Variants in AUTS2 observed in about 807,000 individuals in gnomAD.
AUTS2 encodes autism susceptibility gene 2 protein.
In AUTS2, 17 loss-of-function variants were observed where a neutral mutation model predicts 112.4. The ratio of observed to expected loss-of-function variants is 0.15; its 90% CI spans 0.10 to 0.23. AUTS2 has a LOEUF of 0.23. AUTS2 is among the 10% of genes least tolerant of loss of function. The pLI, the probability that AUTS2 is intolerant of heterozygous loss-of-function variation, is 1.00. For synonymous variants in AUTS2, 751 were observed against 702.7 expected (o/e 1.07, Z -1.09); for missense variants, 1,510 against 1,701.6 (o/e 0.89, Z 1.98).
chr7:69,965,307 T>C (rs1233103915), intron 2 of AUTS2, among the ~76,000 whole-genome samples: 2 of 152,126 alleles, frequency 1.3e-5, no homozygotes, highest in Admixed American at 6.6e-5. Flanking sequence ...TGCTAAAGGA[T>C]CTAACTTTTC....
At chr7:70,030,818 C>G (rs1248009458) in intron 2 of AUTS2, among the ~76,000 whole-genome samples, 2 of 152,124 alleles carry the variant, frequency 1.3e-5, no homozygotes, top group African/African-American at 4.8e-5. Context: ...CACAGAAAGA[C>G]CTAGTCCCTC....
intron 2 of AUTS2, among the ~76,000 whole-genome samples, chr7:70,080,111 G>A (rs1803231123): frequency 6.6e-6 from 1 of 152,072 alleles, no homozygotes; most frequent in Admixed American, 6.6e-5. Flanking sequence ...TCAAACCATA[G>A]CACTGTACAA....
At chr7:69,632,714 G>A (rs1794318381) in intron 1 of AUTS2, among the ~76,000 whole-genome samples, 1 of 151,620 alleles carries the variant, frequency 6.6e-6, no homozygotes. Flanking sequence ...ACGTTTGCTA[G>A]TTCTTTAAAA....
At chr7:70,260,649 G>A (rs1202349122) in intron 4 of AUTS2, among the ~76,000 whole-genome samples, 3 of 151,962 alleles carry the variant, frequency 2.0e-5, no homozygotes, top group Non-Finnish European at 4.4e-5. Context: ...TTTGGAGGGG[G>A]CATTTAAACG....
At chr7:69,625,915 C>T (rs1271756956) in intron 1 of AUTS2, among the ~76,000 whole-genome samples, 1 of 151,886 alleles carries the variant, frequency 6.6e-6, no homozygotes, top group Non-Finnish European at 1.5e-5. Context: ...GAAAGAATGA[C>T]AATGGAACAT....
At chr7:70,591,634 A>G (rs1051438128) in intron 5 of AUTS2, among the ~76,000 whole-genome samples, 152 of 152,204 alleles carry the variant, frequency 1.0e-3, no homozygotes, top group African/African-American at 3.4e-3. Flanking sequence ...CCTGACCTCA[A>G]GTGATTCTCC....
At chr7:69,814,884 G>A (rs6958450) in intron 1 of AUTS2, among the ~76,000 whole-genome samples, 15,571 of 152,238 alleles carry the variant, frequency 0.1, 1,308 homozygotes, top group African/African-American at 0.23. Flanking sequence ...AAAAGCATTC[G>A]TGGCATCTTA....
chr7:69,742,650 A>G (rs2109798), intron 1 of AUTS2, among the ~76,000 whole-genome samples: 22 of 152,334 alleles, frequency 1.4e-4, no homozygotes, highest in Admixed American at 2.0e-4. Context: ...TGTGAGTTCT[A>G]TCACTCGCTA....
At chr7:70,561,425 G>C (rs1463422228) in intron 5 of AUTS2, among the ~76,000 whole-genome samples, 1 of 152,186 alleles carries the variant, frequency 6.6e-6, no homozygotes, top group African/African-American at 2.4e-5. Context: ...AAGAGCTTGA[G>C]GCCAGTCTGG....
intron 6 of AUTS2, among the ~76,000 whole-genome samples, chr7:70,754,607 A>C (rs1256467669): frequency 6.6e-6 from 1 of 152,250 alleles, no homozygotes; most frequent in Non-Finnish European, 1.5e-5. Flanking sequence ...TCAGTCCCTT[A>C]TTAATGTTCG....
chr7:70,389,601 A>G (rs545010824), intron 4 of AUTS2, among the ~76,000 whole-genome samples: 1 of 152,276 alleles, frequency 6.6e-6, no homozygotes, highest in Non-Finnish European at 1.5e-5. Context: ...ATGATATTTC[A>G]CTGAACTCAG....
chr7:69,952,203 T>C (rs1797054175), intron 2 of AUTS2, among the ~76,000 whole-genome samples: 1 of 152,220 alleles, frequency 6.6e-6, no homozygotes, highest in African/African-American at 2.4e-5. Flanking sequence ...TTGTGGTGTT[T>C]ACTTTGTCCT....
chr7:70,127,526 T>C (rs1806043635), intron 3 of AUTS2, among the ~76,000 whole-genome samples: 1 of 152,196 alleles, frequency 6.6e-6, no homozygotes, highest in Non-Finnish European at 1.5e-5. Flanking sequence ...CCCAACACAC[T>C]GTGGAAGTAA....
intron 4 of AUTS2, among the ~76,000 whole-genome samples, chr7:70,322,806 A>G (rs1428955491): frequency 6.6e-6 from 1 of 152,154 alleles, no homozygotes; most frequent in African/African-American, 2.4e-5. Context: ...CCCTGTACGG[A>G]TACCAATTCA....
chr7:70,114,971 T>C (rs993598336), intron 2 of AUTS2, among the ~76,000 whole-genome samples: 1 of 152,140 alleles, frequency 6.6e-6, no homozygotes, highest in Non-Finnish European at 1.5e-5. Context: ...TGAGCCTGGC[T>C]TTGGAGGAGA....
intron 1 of AUTS2, among the ~76,000 whole-genome samples, chr7:69,895,431 T>C (rs1291790249): frequency 6.6e-6 from 1 of 152,162 alleles, no homozygotes; most frequent in African/African-American, 2.4e-5. Context: ...TAATCTCTAG[T>C]CTCTGAAAAT....
At chr7:70,665,625 A>G (rs1178281149) in intron 5 of AUTS2, among the ~76,000 whole-genome samples, 1 of 152,180 alleles carries the variant, frequency 6.6e-6, no homozygotes, top group African/African-American at 2.4e-5. Context: ...TTAGTGAGGT[A>G]GCATTCCATT....
intron 4 of AUTS2, among the ~76,000 whole-genome samples, chr7:70,158,709 C>G (rs1240539218): frequency 2.0e-5 from 3 of 151,910 alleles, no homozygotes; most frequent in Non-Finnish European, 4.4e-5. Flanking sequence ...TGCACGTGAT[C>G]CATGCAGTCC....
intron 4 of AUTS2, among the ~76,000 whole-genome samples, chr7:70,368,116 A>G (rs796728746): frequency 5.9e-5 from 9 of 152,298 alleles, no homozygotes; most frequent in African/African-American, 2.2e-4. Flanking sequence ...CCTCTGGCCT[A>G]CTATTTAATA....
Sources: allele counts gnomAD v4.1 joint callset (sites outside exome capture counted in the v4.1 genomes callset), GRCh38; gene constraint gnomAD v4.1.1; transcripts MANE v1.5; gene names NCBI Gene and HGNC (gene_info 2026-07-23, HGNC 2026-07-21).